The following WNK4 variants were observed in gnomAD, a reference collection of about 807,000 sequenced individuals.
WNK4 encodes serine/threonine-protein kinase WNK4.
WNK4 carries 94 observed loss-of-function variants against 116.2 expected under a neutral mutation model. The ratio of observed to expected loss-of-function variants is 0.81; its 90% confidence interval spans 0.68 to 0.96. The LOEUF is 0.96. Ranked by LOEUF, WNK4 falls within the 40% of genes least tolerant of loss-of-function variation. The pLI, the probability that WNK4 is intolerant of heterozygous loss-of-function variation, is 0.00. For missense variants in WNK4, 1,542 were observed against 1,650.6 expected (o/e 0.93, Z 1.14); for synonymous variants, 655 against 672.7 (o/e 0.97, Z 0.41).
Position 42,796,954 on chromosome 17 carries a change from C to G in WNK4, c.*266C>G. On this transcript the variant is annotated 3_prime_UTR_variant, in exon 19 of 19. Coordinates refer to ENST00000246914, the MANE Select transcript of WNK4 (RefSeq NM_032387.5). ...CCCCTGCCAAGAGTCAACCACTAAG[C>G]AATCCCACCCAAGCCTGGATGCTTC... is the stretch of plus-strand genomic sequence containing the variant. The G allele has an allele frequency of 1.6e-6, 1 of 624,308 alleles. No homozygotes were observed. Among genetic ancestry groups the G allele is most frequent in the Non-Finnish European group, 2.7e-6 (1 of 366,724 alleles). 38.7% of individuals were successfully genotyped at this position (624,308 alleles called of 1,614,324 possible).
chr17:42,793,913 C>G, intron 12 of WNK4, 184 bp downstream of exon 12: 1 of 696,178 alleles, frequency 1.4e-6, no homozygotes, highest in South Asian at 1.6e-5. Flanking sequence ...AGTGCAGTGG[C>G]ACGATCTCGG....
chr17:42,793,856 C>CT (rs34930579), intron 12 of WNK4, 127 bp downstream of exon 12: 156,671 of 921,556 alleles, frequency 0.17, 1,442 homozygotes, highest in Non-Finnish European at 0.19. Flanking sequence ...AACAGTGGCG[C>CT]TTTTTTTTTT....
chr17:42,793,534 G>A lies in WNK4; in HGVS notation c.2158-58G>A. Reference sequence around the variant, plus strand: ...CTGATGTTTTAAGATCAGAAGCAGGGGGAGAGGGATGAGTGAGATAACAAG... The same window carrying A: ...CTGATGTTTTAAGATCAGAAGCAGGAGGAGAGGGATGAGTGAGATAACAAG... On this transcript the variant is annotated intron_variant, in intron 11 of 18. Coordinates refer to ENST00000246914, the MANE Select transcript of WNK4 (RefSeq NM_032387.5). 1.9e-6 allele frequency: 3 copies of A among 1,607,398 alleles called. No homozygotes were observed. In the Admixed American group the frequency reaches 5.0e-5, roughly 27 times the overall value.
In WNK4 at chr17:42,780,619, C is replaced by T. The variant is rs2054469883; in HGVS notation, c.-80C>T. 3 of 1,567,632 alleles carry T rather than the reference C, an allele frequency of 1.9e-6. No homozygotes were observed. The highest frequency in any genetic ancestry group is 1.4e-5 in the African/African-American group (1 of 72,524). On this transcript the variant is annotated 5_prime_UTR_variant, in exon 1 of 19. Transcript: ENST00000246914. Reference sequence around the variant, plus strand: ...CCGCAGCCGCTCAGCCGGAGCGCAGCGCACCCAGCGAGTCCGTCTGTCAGG... The same window carrying T: ...CCGCAGCCGCTCAGCCGGAGCGCAGTGCACCCAGCGAGTCCGTCTGTCAGG...
Position 42,780,969 on chromosome 17 carries a change from G to C in WNK4, c.271G>C (p.Gly91Arg), listed in dbSNP as rs993711514. The change falls in exon 1 of 19, where the codon GGT (glycine) becomes CGT (arginine). Residue 91 changes from glycine to arginine, a missense_variant. By Grantham distance (125) the Gly-to-Arg change is moderately radical. Around this residue, in one of 7 missense-constraint regions of WNK4, gnomAD observed 243 missense variants for 217.8 expected, o/e 1.12. Coordinates refer to ENST00000246914, the MANE Select transcript of WNK4 (RefSeq NM_032387.5). Reference sequence around the variant, plus strand: ...CCCCCCCGATCCTCCGGACTCCGCTGGTCCTGGCCCCGCGAGGAGCCCACC... The same window carrying C: ...CCCCCCCGATCCTCCGGACTCCGCTCGTCCTGGCCCCGCGAGGAGCCCACC... ...PDPPDPPDSA[G>R]PGPARSPPPS... 3.1e-6 allele frequency: 5 copies of C among 1,610,388 alleles called. No homozygotes were observed. In the African/African-American group the frequency reaches 6.7e-5, roughly 21 times the overall value.
At position 42,788,725 on chromosome 17, in the gene WNK4, C is replaced by T. The variant is rs762748780; in HGVS notation, c.2085C>T (p.Thr695=). 5 of 1,614,034 alleles carry T rather than the reference C, an allele frequency of 3.1e-6. No individual in the cohort carries two copies. Among genetic ancestry groups the T allele is most frequent in the South Asian group, 1.1e-5 (1 of 91,058 alleles). Residue 695 remains threonine (T), a synonymous_variant, in exon 11 of 19, where the codon ACC becomes ACT. Coordinates refer to ENST00000246914, the MANE Select transcript of WNK4 (RefSeq NM_032387.5). ...GAGTGGTTGAGTGCCAGCTACAGAC[C>T]CATAACAGCAAGATGGTGACCTTCC... ...NDRVVECQLQ[T]HNSKMVTFRF...
rs1388075542 is a variant in WNK4 at position 42,795,052 on chromosome 17, TCA to T, written c.2632_2633del (p.Gln878ValfsTer24). 2 of 1,613,698 alleles carry T rather than the reference TCA, an allele frequency of 1.2e-6. No individual in the cohort carries two copies. The highest frequency in any genetic ancestry group is 1.7e-5 in the Admixed American group (1 of 59,986). On this transcript the variant is annotated frameshift_variant, in exon 14 of 19. Coordinates refer to ENST00000246914, the MANE Select transcript of WNK4 (RefSeq NM_032387.5). LOFTEE classifies it high-confidence loss of function. ...CACCCGAGTTTCCGGTCCCACTCTC[TCA>T]GTGTCCCTGGAGTTCTCTCCCCACG... is the stretch of plus-strand genomic sequence containing the variant. ...STPEFPVPLS[Q>X]CPWSSLPTTS...
rs540010750 is a variant in WNK4 at position 42,784,309 on chromosome 17, C to T, written c.1013-113C>T. 18 of 1,545,836 alleles carry T rather than the reference C, an allele frequency of 1.2e-5. No individual in the cohort carries two copies. Among genetic ancestry groups the T allele is most frequent in the Non-Finnish European group, 1.5e-5 (17 of 1,132,676 alleles). On this transcript the variant is annotated intron_variant, in intron 3 of 18. Transcript: ENST00000246914. The surrounding 1 kb of genome is among the most constrained non-coding windows in gnomAD (Gnocchi z 4.4). ...GAGACCTATGGCACCCACCTCAACC[C>T]CACTGTGGGCCGGGGTCACTTGCAC...
chr17:42,785,412 G>A lies in WNK4; in HGVS notation c.1406G>A (p.Arg469Gln), dbSNP rs1301021422. Residue 469 changes from arginine to glutamine, a missense_variant, in exon 6 of 19, where the codon CGG becomes CAG. Transcript: ENST00000246914. ...MEDARRGGRP[R>Q]DNQAIEFLFQ... The stretch of plus-strand genomic sequence containing the variant: ...GACGCGCGGCGCGGGGGGCGCCCAC[G>A]GGACAACCAGGCCATCGAGTTCCTG... 16 of 1,568,060 alleles carry A rather than the reference G, an allele frequency of 1.0e-5. No individual in the cohort carries two copies. The highest frequency in any genetic ancestry group is 1.4e-5 in the Non-Finnish European group (16 of 1,156,154).
chr17:42,787,194 T>G, intron 6 of WNK4, 84 bp from the exon 7 acceptor site: 2 of 1,587,818 alleles, frequency 1.3e-6, no homozygotes, highest in Non-Finnish European at 1.7e-6. Flanking sequence ...TCCTCCCATA[T>G]CCTGGAGTTC....
intron 8 of WNK4, 105 bp downstream of exon 8, chr17:42,788,004 C>A: frequency 6.3e-7 from 1 of 1,593,024 alleles, no homozygotes. Context: ...CCCTGGAAAT[C>A]CACCATTCTT....
rs898213297 is a variant in WNK4, at chr17:42,794,622, A to G, written c.2304A>G (p.Pro768=). The change falls in exon 13 of 19, where the codon CCA becomes CCG. Residue 768 remains proline (P), a synonymous_variant. Transcript: ENST00000246914. The part of the protein sequence containing the change: ...AEDTLSPQEE[P]APLPALPVPL... ...TCCTTTTTCTGCCTCAGGAGGAGCC[A>G]GCACCATTACCTGCCCTGCCCGTCC... 1 of 1,613,944 alleles carries G rather than the reference A, an allele frequency of 6.2e-7. No homozygotes were observed. The highest frequency in any genetic ancestry group is 1.1e-5 in the South Asian group (1 of 91,068).
At chr17:42,789,453 A>C (rs1249381318) in intron 11 of WNK4, among the ~76,000 whole-genome samples, 1 of 151,144 alleles carries the variant, frequency 6.6e-6, no homozygotes, top group African/African-American at 2.4e-5. Flanking sequence ...ACCCGAGGTC[A>C]GGAGTTCAAG....
In WNK4 at chr17:42,782,387, TCCTGCTGCCCG is replaced by T. The variant is rs955368839; in HGVS notation, c.619-361_619-351del. Reference sequence around the variant, plus strand: ...CGGCCCCAATTCCCTGCCCGCAGTATCCTGCTGCCCGCCTGCTGCCTGCTCACTGCCAGCCC... The same window carrying T: ...CGGCCCCAATTCCCTGCCCGCAGTATCCTGCTGCCTGCTCACTGCCAGCCC... On this transcript the variant is annotated intron_variant, in intron 1 of 18. Coordinates refer to ENST00000246914, the MANE Select transcript of WNK4 (RefSeq NM_032387.5). This position sits in a 1 kb window ranked among gnomAD's most constrained non-coding sequence, Gnocchi z 4.2. Among the ~76,000 whole-genome samples, 2 of 152,236 alleles carry T rather than the reference TCCTGCTGCCCG, an allele frequency of 1.3e-5. No individual in the cohort carries two copies. The highest frequency in any genetic ancestry group is 2.4e-5 in the African/African-American group (1 of 41,470).
rs2054528807 is a variant in WNK4 at position 42,784,994 on chromosome 17, C to T, written c.1171-103C>T. On this transcript the variant is annotated intron_variant, in intron 4 of 18. Transcript: ENST00000246914. The surrounding 1 kb of genome is among the most constrained non-coding windows in gnomAD (Gnocchi z 4.4). ...TAGCAGTCAGGCTTTTGCAACTGCA[C>T]GCGCAGCTGCCTAAGGAGGGAGTGG... is the stretch of plus-strand genomic sequence containing the variant. The T allele has an allele frequency of 8.2e-6, 10 of 1,213,284 alleles. No individual in the cohort carries two copies. The highest frequency in any genetic ancestry group is 1.2e-5 in the Non-Finnish European group (10 of 846,636). The allele number at this position is 1,213,284 out of a possible 1,614,324, so 75.2% of individuals were successfully genotyped here. A position where few individuals can be genotyped will look rare whatever the true frequency, so the allele number is the denominator to read the frequency against.
At position 42,780,665 on chromosome 17, in the gene WNK4, T is replaced by TG. The variant is rs750387045; in HGVS notation, c.-33dup. 11 of 1,601,420 alleles carry TG rather than the reference T, an allele frequency of 6.9e-6. No homozygotes were observed. The highest frequency in any genetic ancestry group is 9.3e-6 in the Non-Finnish European group (11 of 1,178,934). Reference sequence around the variant, plus strand: ...TCAGGCCGCCTCCTCTCCGGCCGTCTGATTTTCTACCCTTCGGCGCCCTGC... The same window carrying TG: ...TCAGGCCGCCTCCTCTCCGGCCGTCTGGATTTTCTACCCTTCGGCGCCCTGC... On this transcript the variant is annotated 5_prime_UTR_variant, in exon 1 of 19. Coordinates refer to ENST00000246914, the MANE Select transcript of WNK4 (RefSeq NM_032387.5).
rs2054681758 is a variant in WNK4 at position 42,796,814 on chromosome 17, G to A, written c.*126G>A. 2 of 1,596,134 alleles carry A rather than the reference G, an allele frequency of 1.3e-6. No individual in the cohort carries two copies. The highest frequency in any genetic ancestry group is 1.7e-6 in the Non-Finnish European group (2 of 1,165,430). ...AGATCCCAACACTGAAGGGGTAGAAGGCCAGGGGGGCATGGAGAGTGCAGC... is the reference window on the plus strand; with the variant it reads ...AGATCCCAACACTGAAGGGGTAGAAAGCCAGGGGGGCATGGAGAGTGCAGC... On this transcript the variant is annotated 3_prime_UTR_variant, in exon 19 of 19. Coordinates refer to ENST00000246914, the MANE Select transcript of WNK4 (RefSeq NM_032387.5).
At chr17:42,788,533 A>G in intron 10 of WNK4, 126 bp downstream of exon 10, 3 of 1,205,654 alleles carry the variant, frequency 2.5e-6, no homozygotes, top group South Asian at 2.4e-5. Context: ...AGAGGCGGCC[A>G]GTCTGGTTTC....
rs373246842 is a variant in WNK4, at chr17:42,781,174, A to G, written c.476A>G (p.Asp159Gly). The change falls in exon 1 of 19, where the codon GAC becomes GGC. Residue 159 changes from aspartate (D) to glycine (G), a missense_variant. Asp to Gly is a moderately conservative substitution (Grantham distance 94). This residue lies in a region of WNK4 where 44 missense variants were observed against 77.7 expected (regional missense o/e 0.57). Transcript: ENST00000246914. Reference sequence around the variant, plus strand: ...CGGCGGGAGCAGGAAGAAAAGGAGGACATGGAGACCCAGGCTGTGGCAACG... The same window carrying G: ...CGGCGGGAGCAGGAAGAAAAGGAGGGCATGGAGACCCAGGCTGTGGCAACG... ...ERRREQEEKEDMETQAVATSP... is the reference protein window; with the variant it reads ...ERRREQEEKEGMETQAVATSP... 63 of 1,614,042 alleles carry G rather than the reference A, an allele frequency of 3.9e-5. No individual in the cohort carries two copies. The Middle Eastern group carries it at 4.9e-4, about 13-fold the overall frequency.
Sources: gnomAD v4.1 joint callset for allele counts (sites outside exome capture counted in the v4.1 genomes callset) on GRCh38, gnomAD v4.1.1 for gene constraint, gnomAD v4.1.1 regional missense constraint, Gnocchi (gnomAD v3.1) non-coding constraint, MANE v1.5 for transcripts, NCBI Gene and HGNC (gene_info 2026-07-23, HGNC 2026-07-21) for gene names.